Variants in HSPE1 observed in about 807,000 individuals in gnomAD.
The protein encoded by HSPE1 is heat shock protein family E (Hsp10) member 1, also known as 10 kDa heat shock protein, mitochondrial.
Under a neutral mutation model 13.2 loss-of-function variants are expected in HSPE1, and 1 was observed. The ratio of observed to expected loss-of-function variants is 0.08; its 90% CI spans 0.03 to 0.36. The LOEUF is 0.36. Among genes scored for constraint, HSPE1 ranks in the 10% least tolerant of loss-of-function variants. The pLI, the probability that HSPE1 is intolerant of heterozygous loss-of-function variation, is 0.99. For missense variants in HSPE1, 73 were observed against 118.7 expected (o/e 0.62, Z 1.79); for synonymous variants, 44 against 42.0 (o/e 1.05, Z -0.19).
chr2:197,501,002 A>G (rs2086246335), intron 1 of HSPE1, 72 bp from the exon 2 acceptor site: 1 of 1,560,560 alleles, frequency 6.4e-7, no homozygotes, highest in Admixed American at 1.8e-5. Flanking sequence ...TGAGATGTAT[A>G]GCACGGTGGC....
At chr2:197,500,800 A>T in intron 1 of HSPE1, 1 of 582,562 alleles carries the variant, frequency 1.7e-6, no homozygotes, top group Non-Finnish European at 3.0e-6. Context: ...CTGAAGAAGG[A>T]AAACATTTGA....
intron 3 of HSPE1, 27 bp downstream of exon 3, chr2:197,503,155 G>T (rs371676153): frequency 2.5e-6 from 4 of 1,579,866 alleles, no homozygotes; most frequent in Non-Finnish European, 3.5e-6. Flanking sequence ...ATTCTAAAAA[G>T]AAGTCAGATA....
At chr2:197,501,357 A>T in intron 2 of HSPE1, 119 bp downstream of exon 2, 1 of 1,187,432 alleles carries the variant, frequency 8.4e-7, no homozygotes, top group South Asian at 1.7e-5. Context: ...AAGATCATTA[A>T]CTGCTTTGGT....
chr2:197,501,316 T>A, intron 2 of HSPE1, 78 bp downstream of exon 2: 1 of 1,454,794 alleles, frequency 6.9e-7, no homozygotes, highest in Non-Finnish European at 9.2e-7. Context: ...GTATTAAAAG[T>A]CGCTTATTAA....
At chr2:197,501,412 AT>A in intron 2 of HSPE1, 174 bp downstream of exon 2, 1 of 723,472 alleles carries the variant, frequency 1.4e-6, no homozygotes, top group Non-Finnish European at 2.2e-6. Flanking sequence ...AAAGTTGCTT[AT>A]TTTATATGAC....
chr2:197,501,450 A>G, intron 2 of HSPE1: 1 of 543,990 alleles, frequency 1.8e-6, no homozygotes. Context: ...ATTTTATGTG[A>G]TAGTTTCAGA....
At chr2:197,500,582 C>G (rs1195007958) in intron 1 of HSPE1, 143 bp downstream of exon 1, 1 of 1,277,374 alleles carries the variant, frequency 7.8e-7, no homozygotes, top group Non-Finnish European at 1.1e-6. Context: ...CTTGGAGCGG[C>G]AAGGCCCGCC....
intron 2 of HSPE1, among the ~76,000 whole-genome samples, chr2:197,502,079 C>T (rs1411994716): frequency 6.6e-6 from 1 of 152,142 alleles, no homozygotes; most frequent in Non-Finnish European, 1.5e-5. Context: ...GTTCGTTTAA[C>T]CCCTAACACA....
At chr2:197,503,156 A>T (rs374892675) in intron 3 of HSPE1, 28 bp downstream of exon 3, 1 of 1,579,024 alleles carries the variant, frequency 6.3e-7, no homozygotes, top group Non-Finnish European at 8.7e-7. Context: ...TTCTAAAAAG[A>T]AGTCAGATAT....
intron 2 of HSPE1, 146 bp downstream of exon 2, chr2:197,501,384 A>G: frequency 1.1e-6 from 1 of 927,084 alleles, no homozygotes; most frequent in Non-Finnish European, 1.6e-6. Flanking sequence ...CTGTTTCTTA[A>G]AGGGAAATGA....
rs773500015 is a variant in HSPE1 at position 197,500,401 on chromosome 2, A to G, written c.-36A>G. ...ACTGCGAGTCTCTTTGCGGCGCTAC[A>G]CTAGAGCAGAGTACGAGTCTGAGGC... On this transcript the variant is annotated 5_prime_UTR_variant, in exon 1 of 4. Transcript: ENST00000233893. 6 of 1,597,184 alleles carry G rather than the reference A, an allele frequency of 3.8e-6. No homozygotes were observed. The highest frequency in any genetic ancestry group is 1.3e-5 in the African/African-American group (1 of 74,736).
chr2:197,502,080 C>T (rs1369155003), intron 2 of HSPE1, among the ~76,000 whole-genome samples: 1 of 152,146 alleles, frequency 6.6e-6, no homozygotes, highest in Admixed American at 6.5e-5. Flanking sequence ...TTCGTTTAAC[C>T]CCTAACACAT....
intron 1 of HSPE1, 200 bp downstream of exon 1, chr2:197,500,639 G>A (rs1315988088): frequency 1.3e-6 from 1 of 770,992 alleles, no homozygotes; most frequent in Non-Finnish European, 2.1e-6. Flanking sequence ...TGTGCTGCCG[G>A]TGTGTAAGGC....
intron 1 of HSPE1, 136 bp from the exon 2 acceptor site, chr2:197,500,938 C>G (rs1299137230): frequency 5.9e-6 from 6 of 1,023,570 alleles, no homozygotes; most frequent in Non-Finnish European, 4.3e-6. Flanking sequence ...TTCAAATGCG[C>G]TTCCTTAACG....
intron 2 of HSPE1, among the ~76,000 whole-genome samples, chr2:197,502,637 G>A (rs1391725881): frequency 6.6e-6 from 1 of 152,172 alleles, no homozygotes; most frequent in African/African-American, 2.4e-5. Flanking sequence ...TTTGTATGTT[G>A]AAAGAAGGAA....
chr2:197,503,189 A>C lies in HSPE1; in HGVS notation c.259-20A>C. ...TATTTGCAATTAGTTGTCTTAACTA[A>C]TGGTTTTTTTCACTTGCAGGATTAT... On this transcript the variant is annotated intron_variant, in intron 3 of 3. Transcript: ENST00000233893. The C allele has an allele frequency of 6.2e-7, 1 of 1,601,366 alleles. No individual in the cohort carries two copies. The highest frequency in any genetic ancestry group is 8.6e-7 in the Non-Finnish European group (1 of 1,168,872).
Position 197,503,062 on chromosome 2 carries a change from C to T in HSPE1, c.192C>T (p.Ser64=), listed in dbSNP as rs994930682. 19 of 1,602,700 alleles carry T rather than the reference C, an allele frequency of 1.2e-5. No homozygotes were observed. Among genetic ancestry groups the T allele is most frequent in the Admixed American group, 3.3e-5 (2 of 59,942 alleles). The change falls in exon 3 of 4, where the codon AGC becomes AGT. Residue 64 remains serine (S), a synonymous_variant. Transcript: ENST00000233893. ...KGKGGEIQPV[S]VKVGDKVLLP... is the part of the protein sequence containing the mutation. ...AGGGTGGAGAGATTCAACCAGTTAG[C>T]GTGAAAGTTGGAGATAAAGTTCTTC...
Position 197,501,109 on chromosome 2 carries a change from T to C in HSPE1, c.39T>C (p.Phe13=), listed in dbSNP as rs368813176. The C allele has an allele frequency of 2.6e-5, 42 of 1,613,916 alleles. No individual in the cohort carries two copies. Among genetic ancestry groups the C allele is most frequent in the Non-Finnish European group, 1.3e-5 (15 of 1,179,918 alleles). ...GQAFRKFLPL[F]DRVLVERSAA... Reference sequence around the variant, plus strand: ...CGTTTAGAAAGTTTCTTCCACTCTTTGACCGAGTATTGGTTGAAAGGAGTG... The same window carrying C: ...CGTTTAGAAAGTTTCTTCCACTCTTCGACCGAGTATTGGTTGAAAGGAGTG... The change falls in exon 2 of 4, where the codon TTT becomes TTC. Residue 13 remains phenylalanine, a synonymous_variant. Coordinates refer to ENST00000233893, the MANE Select transcript of HSPE1 (RefSeq NM_002157.3).
chr2:197,501,401 T>C, intron 2 of HSPE1, 163 bp downstream of exon 2: 1 of 797,004 alleles, frequency 1.3e-6, no homozygotes, highest in Non-Finnish European at 1.9e-6. Flanking sequence ...ATGACTAATA[T>C]AAAGTTGCTT....
Sources: gnomAD v4.1 joint callset for allele counts (sites outside exome capture counted in the v4.1 genomes callset) on GRCh38, gnomAD v4.1.1 for gene constraint, MANE v1.5 for transcripts, NCBI Gene and HGNC (gene_info 2026-07-23, HGNC 2026-07-21) for gene names.